Variants in ANXA8 observed in about 807,000 individuals in gnomAD.
ANXA8 encodes VAC-beta.
ANXA8 carries 9 observed loss-of-function variants against 26.8 expected under a neutral mutation model. The observed-to-expected ratio is 0.34, with a 90% CI of 0.20 to 0.59. The LOEUF is 0.59. Among genes scored for constraint, ANXA8 ranks in the 20% least tolerant of loss-of-function variants. The probability of loss-of-function intolerance (pLI) is 0.84; values close to 1 mark genes in which losing one functional copy is unlikely to be tolerated. For missense variants in ANXA8, 83 were observed against 238.5 expected (o/e 0.35, Z 4.29); for synonymous variants, 39 against 94.8 (o/e 0.41, Z 3.42).
the ANXA8 span, among the ~76,000 whole-genome samples, chr10:47,628,765 A>T: frequency 4.0e-5 from 6 of 149,848 alleles, 1 homozygote; most frequent in African/African-American, 1.5e-4. Context: ...ATACATCAAA[A>T]TCTTCTAGAG....
chr10:47,959,521 T>C, the ANXA8 span, among the ~76,000 whole-genome samples: 17 of 148,306 alleles, frequency 1.1e-4, 1 homozygote, highest in Non-Finnish European at 1.8e-4. Flanking sequence ...GGAAACTGAG[T>C]GCTGGGAGAG....
the ANXA8 span, among the ~76,000 whole-genome samples, chr10:47,650,806 C>CAAA: frequency 9.0e-6 from 1 of 111,504 alleles, no homozygotes; most frequent in Non-Finnish European, 2.0e-5. Context: ...GACTCCGTCT[C>CAAA]AAAAAAAAAA....
chr10:47,586,777 C>G, the ANXA8 span, among the ~76,000 whole-genome samples: 1 of 146,216 alleles, frequency 6.8e-6, no homozygotes, highest in Non-Finnish European at 1.5e-5. Flanking sequence ...TGACCCCACC[C>G]TTTATTTTCT....
chr10:47,699,851 A>G, the ANXA8 span, among the ~76,000 whole-genome samples: 2 of 151,816 alleles, frequency 1.3e-5, no homozygotes, highest in African/African-American at 2.4e-5. Context: ...TAATAATAAT[A>G]GTAATTAGAC....
the ANXA8 span, among the ~76,000 whole-genome samples, chr10:47,627,811 C>G: frequency 6.7e-6 from 1 of 149,154 alleles, no homozygotes; most frequent in Non-Finnish European, 1.5e-5. Context: ...GCAAATGTGT[C>G]CAAAAATCTG....
the ANXA8 span, among the ~76,000 whole-genome samples, chr10:47,493,625 C>T: frequency 1.3e-5 from 2 of 151,068 alleles, no homozygotes; most frequent in Admixed American, 1.3e-4. Context: ...TTCAGGAGCT[C>T]ACCAGACCCA....
At chr10:47,953,763 T>C in the ANXA8 span, among the ~76,000 whole-genome samples, 1 of 150,680 alleles carries the variant, frequency 6.6e-6, no homozygotes, top group Non-Finnish European at 1.5e-5. Context: ...AAAGAGGTCA[T>C]ACAAATGACA....
the ANXA8 span, among the ~76,000 whole-genome samples, chr10:47,675,034 A>G: frequency 2.1e-5 from 3 of 144,206 alleles, no homozygotes; most frequent in South Asian, 6.6e-4. Flanking sequence ...CCATTTCTCC[A>G]TGGAGCCTTG....
chr10:47,525,818 T>A, the ANXA8 span, among the ~76,000 whole-genome samples: 1 of 124,606 alleles, frequency 8.0e-6, no homozygotes, highest in Non-Finnish European at 1.7e-5. Context: ...TTTTTTTTTT[T>A]TTTGAGACGG....
chr10:47,772,295 C>T, the ANXA8 span, among the ~76,000 whole-genome samples: 15 of 152,064 alleles, frequency 9.9e-5, no homozygotes, highest in South Asian at 6.2e-4. Context: ...CTTCAAGTTT[C>T]GAGATGGCTT....
At chr10:47,488,870 G>T, upstream of ANXA8, among the ~76,000 whole-genome samples, 1 of 146,688 alleles carries the variant, frequency 6.8e-6, no homozygotes, top group East Asian at 2.2e-4. Context: ...TAGGACTACA[G>T]GTGCCCGCCA....
Position 47,468,877 on chromosome 10 carries a change from G to A in ANXA8, c.954C>T (p.Ala318=). ...MEDTSGDYKN[A]LLSLVGSDP ...GGTCGCTGCCCACCAGGCTCAGCAG[G>A]GCGTTCTTGTAGTCACCGCTGGTGT... The change falls in exon 12 of 12, where the codon GCC becomes GCT. Residue 318 remains alanine (A), a synonymous_variant. Coordinates refer to ENST00000585281, the MANE Select transcript of ANXA8 (RefSeq NM_001040084.3). 6.2e-7 allele frequency: 1 copy of A among 1,611,170 alleles called. No individual in the cohort carries two copies. The highest frequency in any genetic ancestry group is 1.1e-5 in the South Asian group (1 of 90,712).
chr10:47,513,699 A>C, the ANXA8 span, among the ~76,000 whole-genome samples: 1 of 140,336 alleles, frequency 7.1e-6, no homozygotes, highest in African/African-American at 2.6e-5. Flanking sequence ...ACATACACCA[A>C]TGGAATAGAA....
At chr10:47,488,279 C>T (rs1312077541), upstream of ANXA8, among the ~76,000 whole-genome samples, 1 of 143,000 alleles carries the variant, frequency 7.0e-6, no homozygotes, top group Non-Finnish European at 1.5e-5. Flanking sequence ...GGTGCAATCT[C>T]AGCTCACTGC....
At chr10:47,928,820 A>G in the ANXA8 span, among the ~76,000 whole-genome samples, 1 of 118,144 alleles carries the variant, frequency 8.5e-6, no homozygotes, top group Non-Finnish European at 1.8e-5. Context: ...CAGTGGCATG[A>G]ACATAGCTCA....
the ANXA8 span, chr10:47,510,034 T>C: frequency 2.9e-5 from 42 of 1,467,664 alleles, no homozygotes; most frequent in Middle Eastern, 2.6e-4. Flanking sequence ...GAGAAACTGA[T>C]ACTTAATATT....
the ANXA8 span, among the ~76,000 whole-genome samples, chr10:47,689,313 G>C: frequency 6.6e-6 from 1 of 151,516 alleles, no homozygotes; most frequent in Non-Finnish European, 1.5e-5. Flanking sequence ...CAAGTGGCTG[G>C]GACTACAGGC....
the ANXA8 span, among the ~76,000 whole-genome samples, chr10:47,726,613 A>T: frequency 2.6e-5 from 4 of 152,398 alleles, no homozygotes; most frequent in African/African-American, 9.6e-5. Flanking sequence ...TCTGAAATTT[A>T]AAAATGGATA....
At chr10:47,619,271 C>T in the ANXA8 span, among the ~76,000 whole-genome samples, 1 of 113,102 alleles carries the variant, frequency 8.8e-6, no homozygotes, top group South Asian at 2.8e-4. Context: ...AGCAAATTTA[C>T]CTAAATCATG....
Sources: gnomAD v4.1 joint callset for allele counts (sites outside exome capture counted in the v4.1 genomes callset) on GRCh38, gnomAD v4.1.1 for gene constraint, MANE v1.5 for transcripts, NCBI Gene and HGNC (gene_info 2026-07-23, HGNC 2026-07-21) for gene names.